Variants in STK33 observed in about 807,000 individuals in gnomAD.
STK33 encodes serine/threonine-protein kinase 33.
In STK33, 52 loss-of-function variants were observed where a neutral mutation model predicts 58.0. The observed-to-expected ratio is 0.90, with a 90% CI of 0.72 to 1.13. The LOEUF (loss-of-function observed/expected upper bound fraction) is 1.13. Ranked by LOEUF, STK33 falls within the 50% of genes most tolerant of loss-of-function variation. STK33 has a pLI of 0.00. For missense variants in STK33, 630 were observed against 604.2 expected (o/e 1.04, Z -0.45); for synonymous variants, 215 against 200.1 (o/e 1.07, Z -0.63).
At chr11:8,368,266 G>A in the STK33 span, among the ~76,000 whole-genome samples, 1 of 152,170 alleles carries the variant, frequency 6.6e-6, no homozygotes, top group Admixed American at 6.5e-5. Flanking sequence ...CCCCACCCGG[G>A]CCTCCTGTGT....
intron 15 of STK33, among the ~76,000 whole-genome samples, chr11:8,410,650 T>G (rs2135565830): frequency 6.6e-6 from 1 of 152,092 alleles, no homozygotes; most frequent in South Asian, 2.1e-4. Context: ...TTTTTGTATT[T>G]TTAGTAGAGA....
chr11:8,488,356 C>G (rs192353969), intron 1 of STK33, among the ~76,000 whole-genome samples: 147 of 152,050 alleles, frequency 9.7e-4, no homozygotes, highest in African/African-American at 3.5e-3. Context: ...CCAACATATT[C>G]CTAGGAATCT....
intron 1 of STK33, among the ~76,000 whole-genome samples, chr11:8,592,489 C>T (rs1006483348): frequency 2.6e-5 from 4 of 152,170 alleles, no homozygotes; most frequent in Non-Finnish European, 4.4e-5. Flanking sequence ...TGTCATAAAA[C>T]TGACGGTGGC....
chr11:8,369,785 T>G, the STK33 span, among the ~76,000 whole-genome samples: 1 of 152,162 alleles, frequency 6.6e-6, no homozygotes, highest in Non-Finnish European at 1.5e-5. Context: ...CCCAGGACCT[T>G]GGTTGCTGTG....
chr11:8,517,171 T>G, intron 1 of STK33, among the ~76,000 whole-genome samples: 1 of 152,190 alleles, frequency 6.6e-6, no homozygotes, highest in East Asian at 1.9e-4. Flanking sequence ...TCTGCCATTC[T>G]GCAACATTTG....
intron 1 of STK33, among the ~76,000 whole-genome samples, chr11:8,509,657 C>G (rs1174680388): frequency 6.6e-6 from 1 of 152,030 alleles, no homozygotes; most frequent in African/African-American, 2.4e-5. Flanking sequence ...TATCCCTCAC[C>G]CCCATCCATC....
intron 1 of STK33, among the ~76,000 whole-genome samples, chr11:8,592,883 A>G (rs528728183): frequency 6.6e-6 from 1 of 152,342 alleles, no homozygotes; most frequent in South Asian, 2.1e-4. Flanking sequence ...CAAAGAATGG[A>G]TGGGAATATT....
At chr11:8,396,584 C>A (rs7479191) in intron 15 of STK33, among the ~76,000 whole-genome samples, 27,374 of 152,176 alleles carry the variant, frequency 0.18, 2,783 homozygotes, top group South Asian at 0.31. Context: ...GCATTTCCAA[C>A]TGAGGTACCA....
chr11:8,577,211 A>G (rs1958250495), intron 1 of STK33, among the ~76,000 whole-genome samples: 1 of 152,192 alleles, frequency 6.6e-6, no homozygotes, highest in Non-Finnish European at 1.5e-5. Flanking sequence ...AATACAAATA[A>G]GCTAAAAAGC....
At chr11:8,500,590 T>C (rs1412142656) in intron 1 of STK33, among the ~76,000 whole-genome samples, 2 of 152,224 alleles carry the variant, frequency 1.3e-5, no homozygotes, top group Non-Finnish European at 1.5e-5. Context: ...TGTCTTCATG[T>C]ATTGGAAGAA....
chr11:8,414,260 C>A (rs1220848659), intron 14 of STK33, among the ~76,000 whole-genome samples: 1 of 152,008 alleles, frequency 6.6e-6, no homozygotes, highest in Non-Finnish European at 1.5e-5. Flanking sequence ...TGTTCTTATC[C>A]CAGCATATGA....
the STK33 span, among the ~76,000 whole-genome samples, chr11:8,384,865 G>A: frequency 6.6e-6 from 1 of 152,156 alleles, no homozygotes; most frequent in South Asian, 2.1e-4. Context: ...CATGGTAGTG[G>A]TCCCCTGGGC....
intron 1 of STK33, among the ~76,000 whole-genome samples, chr11:8,494,787 A>G (rs1950919068): frequency 6.6e-6 from 1 of 152,114 alleles, no homozygotes; most frequent in Non-Finnish European, 1.5e-5. Flanking sequence ...CAGAAATAAC[A>G]CCACACATCT....
In STK33 at chr11:8,427,208, C is replaced by G. The variant is rs373599849; in HGVS notation, c.1146+8286G>C. Among the ~76,000 whole-genome samples, 18 of 152,192 alleles carry G rather than the reference C, an allele frequency of 1.2e-4. No individual in the cohort carries two copies. In the South Asian group the frequency reaches 1.5e-3, roughly 12 times the overall value. On this transcript the variant is annotated intron_variant, in intron 14 of 15. Transcript: ENST00000687296. ...TATATTTGAAAATATCTTAATCATT[C>G]CCTTTAATATGAATAACAATTTGAA...
At chr11:8,357,259 T>C in the STK33 span, among the ~76,000 whole-genome samples, 1 of 152,196 alleles carries the variant, frequency 6.6e-6, no homozygotes, top group African/African-American at 2.4e-5. Flanking sequence ...CGATTACACA[T>C]TCTCTGCAGC....
chr11:8,444,375 A>AT (rs1426057429), intron 11 of STK33, among the ~76,000 whole-genome samples: 1 of 152,172 alleles, frequency 6.6e-6, no homozygotes, highest in Non-Finnish European at 1.5e-5. Flanking sequence ...GCTCTAAAAC[A>AT]TCAGATTTAT....
chr11:8,586,215 TC>T (rs1447839437), intron 1 of STK33, among the ~76,000 whole-genome samples: 10 of 99,324 alleles, frequency 1.0e-4, no homozygotes, highest in Non-Finnish European at 1.3e-4. Context: ...AGATCCTATC[TC>T]GGAAAAAAAA....
At chr11:8,521,142 T>C (rs1023655004) in intron 1 of STK33, among the ~76,000 whole-genome samples, 2 of 151,962 alleles carry the variant, frequency 1.3e-5, no homozygotes, top group African/African-American at 4.8e-5. Flanking sequence ...AAAGTTCATA[T>C]GGAAACAAAA....
intron 15 of STK33, among the ~76,000 whole-genome samples, chr11:8,409,207 TTTTTCTCAA>T (rs1295201265): frequency 1.3e-5 from 2 of 152,210 alleles, no homozygotes; most frequent in Non-Finnish European, 2.9e-5. Context: ...CAAGTATTTA[TTTTTCTCAA>T]TTAATTTCAG....
Sources: gnomAD v4.1 joint callset for allele counts (sites outside exome capture counted in the v4.1 genomes callset) on GRCh38, gnomAD v4.1.1 for gene constraint, MANE v1.5 for transcripts, NCBI Gene and HGNC (gene_info 2026-07-23, HGNC 2026-07-21) for gene names.